OCA2: variants seen among roughly 807,000 people sequenced by gnomAD.
OCA2 encodes the protein P protein.
OCA2 carries 77 observed loss-of-function variants against 100.2 expected under a neutral mutation model. The observed-to-expected ratio is 0.77, with a 90% CI of 0.64 to 0.93. The LOEUF (loss-of-function observed/expected upper bound fraction) is 0.93, where lower values mean the gene tolerates loss of function less well. Ranked by LOEUF, OCA2 falls within the 40% of genes least tolerant of loss-of-function variation. The probability of loss-of-function intolerance (pLI) is 0.00; values close to 1 mark genes in which losing one functional copy is unlikely to be tolerated. For missense variants in OCA2, 1,062 were observed against 1,089.1 expected, an observed-to-expected ratio of 0.98 and a Z score of 0.35; for synonymous variants, 432 against 439.2, an observed-to-expected ratio of 0.98 and a Z score of 0.21.
chr15:28,051,124 C>G (rs1241302379), intron 2 of OCA2, among the ~76,000 whole-genome samples: 2 of 152,174 alleles, frequency 1.3e-5, no homozygotes, highest in Non-Finnish European at 2.9e-5. Context: ...TGTGTTGAAG[C>G]AAGGGGGCAA....
chr15:27,836,494 T>C (rs1458911191), intron 23 of OCA2, among the ~76,000 whole-genome samples: 1 of 152,204 alleles, frequency 6.6e-6, no homozygotes, highest in Non-Finnish European at 1.5e-5. Flanking sequence ...AAATTTACGT[T>C]CAGAAAATAT....
At chr15:28,063,239 T>C (rs2043928198) in intron 2 of OCA2, among the ~76,000 whole-genome samples, 1 of 152,180 alleles carries the variant, frequency 6.6e-6, no homozygotes, top group Admixed American at 6.5e-5. Flanking sequence ...ACCTCTCTTT[T>C]GATTACTGTT....
chr15:27,989,134 C>T (rs2041460020), intron 11 of OCA2, among the ~76,000 whole-genome samples: 3 of 152,164 alleles, frequency 2.0e-5, no homozygotes. Flanking sequence ...CCCGCTTGGG[C>T]ACTTCGAGAT....
intron 19 of OCA2, among the ~76,000 whole-genome samples, chr15:27,915,161 A>G (rs1197178632): frequency 2.0e-5 from 3 of 152,194 alleles, no homozygotes; most frequent in Admixed American, 2.0e-4. Context: ...AGTCATATGC[A>G]GAAGATTGAA....
chr15:27,861,786 C>A (rs1349226379), intron 21 of OCA2, among the ~76,000 whole-genome samples: 1 of 152,132 alleles, frequency 6.6e-6, no homozygotes, highest in South Asian at 2.1e-4. Context: ...TGTCTGGCTA[C>A]AGGAAACTGA....
rs1567098836 is a variant in OCA2 at position 27,913,903 on chromosome 15, G to GAA, written c.2079+12223_2079+12224insTT. On this transcript the variant is annotated intron_variant, in intron 19 of 23. Coordinates refer to ENST00000354638, the MANE Select transcript of OCA2 (RefSeq NM_000275.3). Reference sequence around the variant, plus strand: ...AGAAAGAAAGAAAGAAAGCAAGCAAGCAAGCAAGCAAGCAAGCAAGCAAGC... The same window carrying GAA: ...AGAAAGAAAGAAAGAAAGCAAGCAAGAACAAGCAAGCAAGCAAGCAAGCAAGC... Among the ~76,000 whole-genome samples the GAA allele has an allele frequency of 1.6e-3, 62 of 39,978 alleles. 4 individuals carry two copies. The highest frequency in any genetic ancestry group is 6.1e-3 in the East Asian group (2 of 328). The allele number at this position is 39,978 out of a possible 152,430, so 26.2% of individuals were successfully genotyped here.
chr15:27,749,199 GA>G, the OCA2 span, among the ~76,000 whole-genome samples: 1 of 152,048 alleles, frequency 6.6e-6, no homozygotes, highest in Non-Finnish European at 1.5e-5. Flanking sequence ...ATAAAAAAAA[GA>G]AATTCCTGAA....
intron 1 of OCA2, among the ~76,000 whole-genome samples, chr15:28,096,950 C>T (rs1002820753): frequency 6.6e-6 from 1 of 152,122 alleles, no homozygotes; most frequent in Non-Finnish European, 1.5e-5. Flanking sequence ...CCGCTCCCAG[C>T]CCGGGGCCAG....
chr15:27,819,911 G>A (rs1386775081), intron 23 of OCA2, among the ~76,000 whole-genome samples: 8 of 152,098 alleles, frequency 5.3e-5, no homozygotes, highest in Non-Finnish European at 5.9e-5. Context: ...ACTGGAGCAG[G>A]AAGTATATAA....
At position 27,916,750 on chromosome 15, in the gene OCA2, C is replaced by T. The variant is rs541442526; in HGVS notation, c.2079+9377G>A. On this transcript the variant is annotated intron_variant, in intron 19 of 23. Transcript: ENST00000354638. ...ACCTCAGTAACAAAAGTCAGTGCAA[C>T]ATAAATCAATAGACCCAAATGTCTC... is the stretch of plus-strand genomic sequence containing the variant. Among the ~76,000 whole-genome samples, 21 of 152,268 alleles carry T rather than the reference C, an allele frequency of 1.4e-4. No homozygotes were observed. In the South Asian group the frequency reaches 4.4e-3, roughly 32 times the overall value.
At chr15:28,006,665 C>G (rs1241846943) in intron 9 of OCA2, among the ~76,000 whole-genome samples, 1 of 152,188 alleles carries the variant, frequency 6.6e-6, no homozygotes, top group African/African-American at 2.4e-5. Flanking sequence ...AGAGGTATCT[C>G]TGGAACAAGG....
intron 9 of OCA2, among the ~76,000 whole-genome samples, chr15:27,994,238 G>A (rs893003837): frequency 5.9e-5 from 9 of 152,054 alleles, no homozygotes; most frequent in Non-Finnish European, 1.3e-4. Flanking sequence ...TGTGAACTGC[G>A]CATGTGAGGG....
intron 1 of OCA2, among the ~76,000 whole-genome samples, chr15:28,088,903 C>T (rs1031516248): frequency 6.6e-6 from 1 of 152,114 alleles, no homozygotes; most frequent in Non-Finnish European, 1.5e-5. Flanking sequence ...ATCGGTCTGA[C>T]CAAAATTTAT....
At chr15:28,082,317 A>G (rs1164672802) in intron 1 of OCA2, among the ~76,000 whole-genome samples, 1 of 152,092 alleles carries the variant, frequency 6.6e-6, no homozygotes, top group Non-Finnish European at 1.5e-5. Context: ...TCCCCTACTA[A>G]TCTGTGGATA....
At chr15:27,956,456 T>TTTCC (rs1196647687) in intron 16 of OCA2, among the ~76,000 whole-genome samples, 1 of 152,220 alleles carries the variant, frequency 6.6e-6, no homozygotes, top group Admixed American at 6.5e-5. Flanking sequence ...CCCAGGTCTG[T>TTTCC]TTCCTCATGT....
intron 23 of OCA2, among the ~76,000 whole-genome samples, chr15:27,839,474 A>C (rs1443028397): frequency 1.3e-5 from 2 of 152,230 alleles, no homozygotes; most frequent in Non-Finnish European, 2.9e-5. Flanking sequence ...CCTAAAACAA[A>C]GTGATTTAGA....
At chr15:27,904,317 G>T (rs1278454928) in intron 19 of OCA2, among the ~76,000 whole-genome samples, 1 of 152,188 alleles carries the variant, frequency 6.6e-6, no homozygotes, top group Non-Finnish European at 1.5e-5. Context: ...GGCTGGGAGC[G>T]CTGGGGGACA....
chr15:27,961,694 A>G lies in OCA2; in HGVS notation c.1637-3959T>C, dbSNP rs567497434. Among the ~76,000 whole-genome samples the G allele has an allele frequency of 8.5e-5, 13 of 152,334 alleles. No homozygotes were observed. The South Asian group carries it at 2.7e-3, about 32-fold the overall frequency. ...ACCATCATTCTCAGCAAACTAACAC[A>G]GGAACAGAAAACCAAACACTGAATG... On this transcript the variant is annotated intron_variant, in intron 15 of 23. Transcript: ENST00000354638.
chr15:27,719,319 C>G, the OCA2 span, among the ~76,000 whole-genome samples: 1 of 152,206 alleles, frequency 6.6e-6, no homozygotes, highest in Non-Finnish European at 1.5e-5. Flanking sequence ...TGGTCTCTCT[C>G]TCTCTCTTCC....
Sources: gnomAD v4.1 joint callset for allele counts (sites outside exome capture counted in the v4.1 genomes callset) on GRCh38, gnomAD v4.1.1 for gene constraint, MANE v1.5 for transcripts, NCBI Gene and HGNC (gene_info 2026-07-23, HGNC 2026-07-21) for gene names.